RNF8: variants seen among roughly 807,000 people sequenced by gnomAD.
RNF8 encodes ring finger protein 8, also known as E3 ubiquitin-protein ligase RNF8.
Under a neutral mutation model 59.3 loss-of-function variants are expected in RNF8, and 8 were observed. The ratio of observed to expected loss-of-function variants is 0.13; its 90% confidence interval spans 0.08 to 0.24. The LOEUF (loss-of-function observed/expected upper bound fraction) is 0.24, where lower values mean the gene tolerates loss of function less well. Among genes scored for constraint, RNF8 ranks in the 10% least tolerant of loss-of-function variants. The pLI, the probability that RNF8 is intolerant of heterozygous loss-of-function variation, is 1.00. For synonymous variants in RNF8, 162 were observed against 200.0 expected, an observed-to-expected ratio of 0.81 and a Z score of 1.60; for missense variants, 406 against 572.6, an observed-to-expected ratio of 0.71 and a Z score of 2.97.
intron 7 of RNF8, among the ~76,000 whole-genome samples, chr6:37,388,687 A>T (rs1252227532): frequency 6.6e-6 from 1 of 151,998 alleles, no homozygotes; most frequent in Admixed American, 6.6e-5. Context: ...GCCTGTCCTC[A>T]CAGCTACTTA....
rs985149377 is a variant in RNF8, at chr6:37,365,664, G to A, written c.241-2820G>A. On this transcript the variant is annotated intron_variant, in intron 2 of 7. Coordinates refer to ENST00000373479, the MANE Select transcript of RNF8 (RefSeq NM_003958.4). ...ATCTAGTGAAGTAATTCCTGTCTAA[G>A]TGGATGTGAATTATCCCACTTTTTT... 2.6e-5 allele frequency among the ~76,000 whole-genome samples: 4 copies of A among 152,200 alleles called. No homozygotes were observed. The South Asian group carries it at 6.2e-4, about 24-fold the overall frequency.
rs763247516 is a variant in RNF8, at chr6:37,381,325, G to A, written c.1412G>A (p.Arg471Gln). 6.2e-6 allele frequency: 10 copies of A among 1,614,058 alleles called. 1 individual carries two copies. Among genetic ancestry groups the A allele is most frequent in the South Asian group, 5.5e-5 (5 of 91,076 alleles). The change falls in exon 7 of 8, where the codon CGA becomes CAA. Residue 471 changes from arginine to glutamine, a missense_variant. Physicochemically the swap from Arg to Gln is conservative, Grantham distance 43. This residue lies in a region of RNF8 where 59 missense variants were observed against 118.5 expected (regional missense o/e 0.50). Transcript: ENST00000373479. ...AATCTGAGCTCAGAAGTGAAAGAAC[G>A]ACGAATTGTTCTCATTAGGGAACGA... ...VNNLSSEVKE[R>Q]RIVLIRERKA...
chr6:37,386,725 C>T (rs1467000512), intron 7 of RNF8, among the ~76,000 whole-genome samples: 1 of 152,186 alleles, frequency 6.6e-6, no homozygotes, highest in Non-Finnish European at 1.5e-5. Flanking sequence ...GGCTGCAGCC[C>T]AGCTATCAGC....
intron 1 of RNF8, chr6:37,359,221 A>G (rs2113814139): frequency 1.3e-5 from 6 of 455,280 alleles, no homozygotes; most frequent in South Asian, 7.8e-5. Flanking sequence ...GGAAAGTATG[A>G]TAGATGTGAA....
chr6:37,379,661 T>C (rs1487844325), intron 6 of RNF8, among the ~76,000 whole-genome samples: 10 of 152,248 alleles, frequency 6.6e-5, no homozygotes, highest in Non-Finnish European at 1.3e-4. Context: ...ATTCAGGCGT[T>C]GTCAACGAAC....
At chr6:37,377,205 T>C (rs1770059599) in intron 6 of RNF8, among the ~76,000 whole-genome samples, 172 bp downstream of exon 6, 1 of 151,696 alleles carries the variant, frequency 6.6e-6, no homozygotes, top group Non-Finnish European at 1.5e-5. Flanking sequence ...CCCAAGTAGC[T>C]GGGTCCCTTA....
chr6:37,384,135 T>TC (rs1770396171), intron 7 of RNF8, among the ~76,000 whole-genome samples: 1 of 150,754 alleles, frequency 6.6e-6, no homozygotes, highest in Admixed American at 6.6e-5. Flanking sequence ...GCTACTATTT[T>TC]TTTTTTTTTT....
intron 7 of RNF8, among the ~76,000 whole-genome samples, chr6:37,381,610 AATGAAGATGTGATTT>A (rs1448467242): frequency 6.6e-6 from 1 of 152,170 alleles, no homozygotes; most frequent in Non-Finnish European, 1.5e-5. Context: ...GGGGGGATAA[AATGAAGATGTGATTT>A]AAAAAAATAC....
chr6:37,355,012 G>C (rs887706093), intron 1 of RNF8, among the ~76,000 whole-genome samples: 3 of 152,212 alleles, frequency 2.0e-5, no homozygotes, highest in African/African-American at 7.2e-5. Context: ...GGCACTCCCT[G>C]AGGTGGGTCG....
At chr6:37,366,139 G>A (rs1769541268) in intron 2 of RNF8, among the ~76,000 whole-genome samples, 1 of 152,222 alleles carries the variant, frequency 6.6e-6, no homozygotes, top group Non-Finnish European at 1.5e-5. Context: ...CTCTTTAGCT[G>A]TGGACTGTCA....
chr6:37,393,806 G>A lies in RNF8; in HGVS notation c.*3048G>A, dbSNP rs536020282. 195 of 152,370 alleles carry A rather than the reference G, an allele frequency of 1.3e-3. 1 individual carries two copies. Among genetic ancestry groups the A allele is most frequent in the African/African-American group, 4.4e-3 (182 of 41,550 alleles). 9.4% of individuals were successfully genotyped at this position (152,370 alleles called of 1,614,324 possible). On this transcript the variant is annotated 3_prime_UTR_variant, in exon 8 of 8. Coordinates refer to ENST00000373479, the MANE Select transcript of RNF8 (RefSeq NM_003958.4). ...GTTTCTCTGATTGGAAGCTGCTGTT[G>A]TACAGAAAGACCTGCATTTCCCCCT... is the stretch of plus-strand genomic sequence containing the variant.
At chr6:37,380,435 C>T (rs1472760850) in intron 6 of RNF8, among the ~76,000 whole-genome samples, 1 of 151,966 alleles carries the variant, frequency 6.6e-6, no homozygotes, top group African/African-American at 2.4e-5. Flanking sequence ...CTTTGGGAGG[C>T]CGAGGCGGGC....
Position 37,386,180 on chromosome 6 carries a change from A to G in RNF8, c.1442-4562A>G, listed in dbSNP as rs190012811. Among the ~76,000 whole-genome samples the G allele has an allele frequency of 7.2e-5, 11 of 152,206 alleles. No homozygotes were observed. The East Asian group carries it at 1.2e-3, about 16-fold the overall frequency. On this transcript the variant is annotated intron_variant, in intron 7 of 7. Coordinates refer to ENST00000373479, the MANE Select transcript of RNF8 (RefSeq NM_003958.4). ...CTCTTATTGGCACCTCAGAATACAC[A>G]GTTTGAAATGACAAGGGCATCATAG...
In RNF8 at chr6:37,368,481, CA is replaced by C. The variant is rs762654637; in HGVS notation, c.241-2del. 6.2e-7 allele frequency: 1 copy of C among 1,614,098 alleles called. No homozygotes were observed. The highest frequency in any genetic ancestry group is 8.5e-7 in the Non-Finnish European group (1 of 1,180,018). On this transcript the variant is annotated splice_acceptor_variant, in intron 2 of 7. Coordinates refer to ENST00000373479, the MANE Select transcript of RNF8 (RefSeq NM_003958.4). LOFTEE classifies it high-confidence loss of function. ...TATTTCTTCTTTCTTTCACTTTCCC[CA>C]GAGTCTAAATGGTGTTTGGCTGAAC...
chr6:37,372,818 A>T (rs1769864898), intron 4 of RNF8, among the ~76,000 whole-genome samples: 1 of 152,138 alleles, frequency 6.6e-6, no homozygotes, highest in South Asian at 2.1e-4. Context: ...AAAAATACAA[A>T]ATTAGCCGGG....
At position 37,355,482 on chromosome 6, in the gene RNF8, G is replaced by A. The variant is rs150535461; in HGVS notation, c.111+1207G>A. On this transcript the variant is annotated intron_variant, in intron 1 of 7. Transcript: ENST00000373479. ...CGCTCGAAGAGTTTAAGGCTTGAGT[G>A]GGGAGAGAGGATTTATACAATGAAG... Among the ~76,000 whole-genome samples, 520 of 152,292 alleles carry A rather than the reference G, an allele frequency of 3.4e-3. 10 individuals carry two copies. The highest frequency in any genetic ancestry group is 0.012 in the African/African-American group (486 of 41,558).
At chr6:37,363,089 C>T (rs926163425) in intron 2 of RNF8, among the ~76,000 whole-genome samples, 2 of 152,170 alleles carry the variant, frequency 1.3e-5, no homozygotes, top group Non-Finnish European at 2.9e-5. Context: ...TTCTTACCCT[C>T]CTCTCCTGTT....
chr6:37,385,337 A>G (rs930521388), intron 7 of RNF8, among the ~76,000 whole-genome samples: 5 of 149,440 alleles, frequency 3.3e-5, no homozygotes, highest in Admixed American at 2.0e-4. Flanking sequence ...ACTTTAAACA[A>G]TGTATGCAGG....
At chr6:37,355,390 A>T (rs1384356863) in intron 1 of RNF8, among the ~76,000 whole-genome samples, 2 of 152,222 alleles carry the variant, frequency 1.3e-5, no homozygotes, top group Non-Finnish European at 2.9e-5. Context: ...GCCTCAATTC[A>T]GTCTGCCAGG....
Sources: allele counts gnomAD v4.1 joint callset (sites outside exome capture counted in the v4.1 genomes callset), GRCh38; gene constraint gnomAD v4.1.1; regional missense constraint gnomAD v4.1.1; transcripts MANE v1.5; gene names NCBI Gene and HGNC (gene_info 2026-07-23, HGNC 2026-07-21).